Variants in NTRK3 observed in about 807,000 individuals in gnomAD.
NTRK3 encodes the protein NT-3 growth factor receptor.
Under a neutral mutation model 91.7 loss-of-function variants are expected in NTRK3, and 24 were observed. That is an observed-to-expected ratio of 0.26 (90% CI 0.19 to 0.37). The LOEUF is 0.37. Among genes scored for constraint, NTRK3 ranks in the 10% least tolerant of loss-of-function variants. The probability of loss-of-function intolerance (pLI) is 1.00; values close to 1 mark genes in which losing one functional copy is unlikely to be tolerated. For synonymous variants in NTRK3, 483 were observed against 404.0 expected (o/e 1.20, Z -2.34); for missense variants, 880 against 1,068.9 (o/e 0.82, Z 2.46).
In NTRK3 at chr15:88,135,886, A is replaced by G. The variant is rs1207790702; in HGVS notation, c.907+13T>C. ...CTCACACACAGCCATCCCCCACAAT[A>G]ACATGCACTTACAGTAGACAGTGAG... On this transcript the variant is annotated intron_variant, in intron 9 of 18. Transcript: ENST00000394480. 2 of 1,613,976 alleles carry G rather than the reference A, an allele frequency of 1.2e-6. No individual in the cohort carries two copies. The highest frequency in any genetic ancestry group is 1.7e-6 in the Non-Finnish European group (2 of 1,179,930).
At chr15:88,073,910 G>GTTTGTTTC (rs1051396818) in intron 13 of NTRK3, among the ~76,000 whole-genome samples, 2 of 151,930 alleles carry the variant, frequency 1.3e-5, no homozygotes, top group African/African-American at 4.8e-5. Flanking sequence ...TTATTTCTTT[G>GTTTGTTTC]TTTGTTTCTT....
intron 10 of NTRK3, 135 bp downstream of exon 10, chr15:88,134,966 G>A: frequency 1.9e-6 from 2 of 1,068,948 alleles, no homozygotes; most frequent in African/African-American, 3.1e-5. Context: ...GGTTGCACAT[G>A]TTCCAGTGTG....
Position 88,256,170 on chromosome 15 carries a change from TAA to T in NTRK3, c.-15-4_-15-3del. On this transcript the variant is annotated splice_polypyrimidine_tract_variant and splice_region_variant and intron_variant, in intron 2 of 18. Transcript: ENST00000394480. ...GACATCCATCTCCGATCGCTGCTTC[TAA>T]AAAAGAGGAGGAGGAGAGGAGAGGG... is the stretch of plus-strand genomic sequence containing the variant. The T allele has an allele frequency of 7.7e-7, 1 of 1,294,016 alleles. No individual in the cohort carries two copies. The highest frequency in any genetic ancestry group is 4.0e-5 in the East Asian group (1 of 24,930). The allele number at this position is 1,294,016 out of a possible 1,614,324, so 80.2% of individuals were successfully genotyped here.
intron 5 of NTRK3, among the ~76,000 whole-genome samples, chr15:88,158,266 G>A (rs572673366): frequency 3.9e-5 from 6 of 152,268 alleles, no homozygotes; most frequent in Admixed American, 6.5e-5. Context: ...GCCACAACGC[G>A]CCCACGCCAT....
chr15:88,154,110 CAAAA>C (rs397736752), intron 5 of NTRK3, among the ~76,000 whole-genome samples: 1 of 86,636 alleles, frequency 1.2e-5, no homozygotes, highest in Non-Finnish European at 2.4e-5. Flanking sequence ...ATAGACTTTG[CAAAA>C]AAAAAAAAAA....
chr15:88,110,246 AAAG>A (rs2051185204), intron 13 of NTRK3, among the ~76,000 whole-genome samples: 1 of 152,214 alleles, frequency 6.6e-6, no homozygotes, highest in Non-Finnish European at 1.5e-5. Context: ...AATAAGGAAG[AAAG>A]AAGATCAGGT....
chr15:88,006,689 T>G (rs1466442411), intron 14 of NTRK3, among the ~76,000 whole-genome samples: 1 of 152,126 alleles, frequency 6.6e-6, no homozygotes, highest in African/African-American at 2.4e-5. Context: ...GGCTAGTACA[T>G]CCGTAGCTTG....
intron 5 of NTRK3, among the ~76,000 whole-genome samples, chr15:88,180,029 TATC>T (rs2046322563): frequency 6.6e-6 from 1 of 152,200 alleles, no homozygotes; most frequent in Non-Finnish European, 1.5e-5. Flanking sequence ...TCTTTGATTC[TATC>T]ATCACCACCA....
chr15:88,087,005 C>G (rs2048562971), intron 13 of NTRK3, among the ~76,000 whole-genome samples: 1 of 152,230 alleles, frequency 6.6e-6, no homozygotes, highest in African/African-American at 2.4e-5. Flanking sequence ...GGACCCAGCT[C>G]AAAAACGGGT....
chr15:88,151,731 T>C (rs2043397623), intron 5 of NTRK3, among the ~76,000 whole-genome samples: 1 of 152,170 alleles, frequency 6.6e-6, no homozygotes, highest in Non-Finnish European at 1.5e-5. Context: ...ATTTGTGGAT[T>C]TCCTGGATTA....
rs113000286 is a variant in NTRK3, at chr15:88,249,555, C to G, written c.248+6351G>C. On this transcript the variant is annotated intron_variant, in intron 3 of 18. Transcript: ENST00000394480. ...TGCCCACTCTGGGCCCTTGGACCCT[C>G]ATGGGTGACATGAGGGAGAAGATGA... Among the ~76,000 whole-genome samples the G allele has an allele frequency of 1.6e-3, 242 of 152,288 alleles. 1 individual carries two copies. The highest frequency in any genetic ancestry group is 5.7e-3 in the African/African-American group (238 of 41,552).
chr15:88,129,172 G>A (rs929449761), intron 10 of NTRK3, among the ~76,000 whole-genome samples: 10 of 152,180 alleles, frequency 6.6e-5, no homozygotes, highest in African/African-American at 9.7e-5. Context: ...GTAATATGCA[G>A]AGTTGATTCT....
At position 88,078,132 on chromosome 15, in the gene NTRK3, CCTTGAACAGATGGGTCT is replaced by C. The variant is rs377206263; in HGVS notation, c.1397-45104_1397-45088del. Among the ~76,000 whole-genome samples, 898 of 152,306 alleles carry C rather than the reference CCTTGAACAGATGGGTCT, an allele frequency of 5.9e-3. 9 individuals carry two copies. The highest frequency in any genetic ancestry group is 0.041 in the Middle Eastern group (12 of 294). Reference sequence around the variant, plus strand: ...AATCTATAAGGTGTATACATCATGTCCTTGAACAGATGGGTCTCTTGACATCTCGGCACCTCCTCAGC... The same window carrying C: ...AATCTATAAGGTGTATACATCATGTCCTTGACATCTCGGCACCTCCTCAGC... On this transcript the variant is annotated intron_variant, in intron 13 of 18. Transcript: ENST00000394480.
At chr15:88,148,780 G>A (rs910044870) in intron 5 of NTRK3, among the ~76,000 whole-genome samples, 2 of 152,168 alleles carry the variant, frequency 1.3e-5, no homozygotes, top group African/African-American at 4.8e-5. Flanking sequence ...AAGTTGGCAG[G>A]CCAGCTAGGA....
At chr15:88,200,766 G>A (rs552777120) in intron 3 of NTRK3, among the ~76,000 whole-genome samples, 45 of 152,254 alleles carry the variant, frequency 3.0e-4, no homozygotes, top group African/African-American at 1.0e-3. Flanking sequence ...TTATAGCAGT[G>A]GGAGAACAGA....
intron 14 of NTRK3, among the ~76,000 whole-genome samples, chr15:88,024,564 C>A (rs2077868303): frequency 6.6e-6 from 1 of 152,128 alleles, no homozygotes; most frequent in Non-Finnish European, 1.5e-5. Flanking sequence ...CAAGACAGAG[C>A]TACCAGGTCA....
intron 14 of NTRK3, among the ~76,000 whole-genome samples, chr15:88,011,740 A>C (rs774170886): frequency 6.6e-6 from 1 of 152,156 alleles, no homozygotes; most frequent in Non-Finnish European, 1.5e-5. Flanking sequence ...ACTCTATGGG[A>C]AAGTTGATTT....
intron 14 of NTRK3, among the ~76,000 whole-genome samples, chr15:88,025,235 TACC>T (rs1371652380): frequency 2.0e-5 from 3 of 152,270 alleles, no homozygotes; most frequent in Non-Finnish European, 1.5e-5. Context: ...AACATATTCT[TACC>T]ACATGACCAG....
intron 3 of NTRK3, among the ~76,000 whole-genome samples, chr15:88,192,899 C>T (rs1352971268): frequency 6.6e-6 from 1 of 152,212 alleles, no homozygotes; most frequent in African/African-American, 2.4e-5. Flanking sequence ...TGCTCTCTGG[C>T]ACAAACGCCT....
Sources: gnomAD v4.1 joint callset for allele counts (sites outside exome capture counted in the v4.1 genomes callset) on GRCh38, gnomAD v4.1.1 for gene constraint, MANE v1.5 for transcripts, NCBI Gene and HGNC (gene_info 2026-07-23, HGNC 2026-07-21) for gene names.